Variants in KIF25 observed in about 807,000 individuals in gnomAD.
KIF25 encodes kinesin family member 25.
KIF25 carries 19 observed loss-of-function variants against 32.9 expected under a neutral mutation model. The observed-to-expected ratio is 0.58, with a 90% confidence interval of 0.40 to 0.85. The LOEUF is 0.85. KIF25 is among the 40% of genes least tolerant of loss of function. The pLI is 0.00. For missense variants in KIF25, 485 were observed against 507.0 expected, an observed-to-expected ratio of 0.96 and a Z score of 0.42; for synonymous variants, 225 against 213.7, an observed-to-expected ratio of 1.05 and a Z score of -0.46.
At chr6:168,012,353 G>GGGT (rs1160208452) in intron 4 of KIF25, among the ~76,000 whole-genome samples, 1 of 152,154 alleles carries the variant, frequency 6.6e-6, no homozygotes, top group African/African-American at 2.4e-5. Context: ...GAAAGACTTA[G>GGGT]GGTGCATGGT....
rs1799133796 is a variant in KIF25 at position 168,042,171 on chromosome 6, T to TC, written c.829+23dup. 6.5e-7 allele frequency: 1 copy of TC among 1,543,862 alleles called. No homozygotes were observed. Among genetic ancestry groups the TC allele is most frequent in the Admixed American group, 2.0e-5 (1 of 50,812 alleles). On this transcript the variant is annotated intron_variant, in intron 11 of 12. Coordinates refer to ENST00000643607, the MANE Select transcript of KIF25 (RefSeq NM_030615.4). ...GCGTTGGTGAGCAGGGGCAGGCATT[T>TC]CCCTGGGGGGTGGGTGCTGCAGAAG...
intron 5 of KIF25, among the ~76,000 whole-genome samples, chr6:168,025,204 G>A (rs538204042): frequency 2.0e-5 from 3 of 152,182 alleles, no homozygotes; most frequent in Admixed American, 6.5e-5. Context: ...TCAGAGACGC[G>A]GGGACGCTCA....
intron 5 of KIF25, among the ~76,000 whole-genome samples, chr6:168,027,409 G>A: frequency 6.9e-6 from 1 of 145,762 alleles, no homozygotes; most frequent in Non-Finnish European, 1.5e-5. Flanking sequence ...AGCTGAGATT[G>A]GGCCATTGCA....
intron 5 of KIF25, among the ~76,000 whole-genome samples, chr6:168,018,914 C>T (rs533049070): frequency 2.0e-4 from 30 of 152,198 alleles, no homozygotes; most frequent in Non-Finnish European, 4.1e-4. Context: ...AGCACAGGAG[C>T]GGTAAGAAGG....
intron 4 of KIF25, among the ~76,000 whole-genome samples, chr6:168,005,266 G>A (rs1474251942): frequency 6.6e-6 from 1 of 152,222 alleles, no homozygotes; most frequent in Non-Finnish European, 1.5e-5. Context: ...GGTGGAGCCT[G>A]AGAATGGAAT....
At chr6:168,036,487 G>A (rs1399794584) in intron 8 of KIF25, among the ~76,000 whole-genome samples, 1 of 152,222 alleles carries the variant, frequency 6.6e-6, no homozygotes, top group East Asian at 1.9e-4. Context: ...AGTCCTTTGC[G>A]TGTGTGCCTC....
intron 7 of KIF25, among the ~76,000 whole-genome samples, chr6:168,032,335 G>C (rs1273653966): frequency 2.0e-5 from 3 of 152,236 alleles, no homozygotes; most frequent in Non-Finnish European, 4.4e-5. Context: ...ATTCTTAAAT[G>C]GTTGAAAGAC....
chr6:168,007,889 A>G (rs1798599425), intron 4 of KIF25, among the ~76,000 whole-genome samples: 1 of 152,210 alleles, frequency 6.6e-6, no homozygotes, highest in Non-Finnish European at 1.5e-5. Flanking sequence ...TTGATAAAGA[A>G]GCATCTATTG....
chr6:168,034,333 A>T (rs1798985589), intron 8 of KIF25, among the ~76,000 whole-genome samples: 1 of 152,102 alleles, frequency 6.6e-6, no homozygotes, highest in Non-Finnish European at 1.5e-5. Context: ...ATCTCAGCTC[A>T]CTACAACCTC....
rs571329773 is a variant in KIF25 at position 168,040,901 on chromosome 6, G to C, written c.646+685G>C. Among the ~76,000 whole-genome samples the C allele has an allele frequency of 6.6e-5, 10 of 152,312 alleles. No homozygotes were observed. In the South Asian group the frequency reaches 2.1e-3, roughly 32 times the overall value. ...AATGATTCCAGTTATGTAACAGAAA[G>C]AACACAGGCCTGTGAAGCCTGGGCT... is the stretch of plus-strand genomic sequence containing the variant. On this transcript the variant is annotated intron_variant, in intron 10 of 12. Transcript: ENST00000643607.
intron 5 of KIF25, among the ~76,000 whole-genome samples, chr6:168,020,573 A>G (rs1024251606): frequency 5.3e-5 from 8 of 152,174 alleles, no homozygotes; most frequent in Non-Finnish European, 1.2e-4. Context: ...CGTGAGCAAC[A>G]GTGTGAAGGC....
intron 8 of KIF25, chr6:168,036,070 G>T: frequency 4.6e-6 from 1 of 216,970 alleles, no homozygotes; most frequent in African/African-American, 2.2e-5. Flanking sequence ...CCCTGAAAAG[G>T]ACTACTCTTA....
intron 8 of KIF25, 61 bp from the exon 9 acceptor site, chr6:168,038,492 C>T: frequency 6.4e-7 from 1 of 1,564,124 alleles, no homozygotes; most frequent in Non-Finnish European, 8.8e-7. Context: ...CTATGATTGG[C>T]TTACACTGAA....
chr6:168,040,020 G>C (rs1402879341), intron 9 of KIF25, 45 bp from the exon 10 acceptor site: 1 of 1,566,268 alleles, frequency 6.4e-7, no homozygotes, highest in Non-Finnish European at 8.7e-7. Flanking sequence ...CTTAGGTAAG[G>C]GGGGCCGCCC....
At chr6:168,041,579 A>G (rs1269267701) in intron 10 of KIF25, among the ~76,000 whole-genome samples, 1 of 152,242 alleles carries the variant, frequency 6.6e-6, no homozygotes, top group African/African-American at 2.4e-5. Flanking sequence ...AGACATTTGC[A>G]TTAAAATTAA....
chr6:168,036,580 C>T (rs1799029219), intron 8 of KIF25, among the ~76,000 whole-genome samples: 1 of 152,190 alleles, frequency 6.6e-6, no homozygotes, highest in Non-Finnish European at 1.5e-5. Context: ...GTCAACAGCC[C>T]AATGATTACT....
intron 4 of KIF25, among the ~76,000 whole-genome samples, chr6:168,011,661 CT>C (rs1798648113): frequency 6.6e-6 from 1 of 152,150 alleles, no homozygotes; most frequent in Non-Finnish European, 1.5e-5. Flanking sequence ...TACAATGTGC[CT>C]TGGAGAGGAC....
intron 4 of KIF25, among the ~76,000 whole-genome samples, chr6:168,010,051 A>G (rs1054797290): frequency 6.6e-6 from 1 of 151,490 alleles, no homozygotes. Flanking sequence ...TCTTGTGTCA[A>G]TTTCTTTTAT....
chr6:168,016,783 A>G (rs1583130991), intron 4 of KIF25, among the ~76,000 whole-genome samples: 2 of 152,250 alleles, frequency 1.3e-5, no homozygotes, highest in South Asian at 4.1e-4. Context: ...GAGGCCAGTT[A>G]GGGGATAGCC....
Sources: gnomAD v4.1 joint callset for allele counts (sites outside exome capture counted in the v4.1 genomes callset) on GRCh38, gnomAD v4.1.1 for gene constraint, MANE v1.5 for transcripts, NCBI Gene and HGNC (gene_info 2026-07-23, HGNC 2026-07-21) for gene names.